ADAMTSL1: variants seen among roughly 807,000 people sequenced by gnomAD.
The protein encoded by ADAMTSL1 is ADAMTS-like protein 1.
Under a neutral mutation model 201.8 loss-of-function variants are expected in ADAMTSL1, and 126 were observed. That is an observed-to-expected ratio of 0.62 (90% confidence interval 0.54 to 0.72). ADAMTSL1 has a LOEUF of 0.72. Ranked by LOEUF, ADAMTSL1 falls within the 30% of genes least tolerant of loss-of-function variation. The pLI is 0.00. For synonymous variants in ADAMTSL1, 1,121 were observed against 903.4 expected (o/e 1.24, Z -4.32); for missense variants, 2,679 against 2,277.8 (o/e 1.18, Z -3.59).
At chr9:18,096,559 C>T (rs750451291) in intron 1 of ADAMTSL1, among the ~76,000 whole-genome samples, 2 of 152,154 alleles carry the variant, frequency 1.3e-5, no homozygotes, top group East Asian at 1.9e-4. Flanking sequence ...GTTTTGGTTA[C>T]GTGAAGCATG....
intron 14 of ADAMTSL1, among the ~76,000 whole-genome samples, chr9:18,710,056 C>T (rs1421479880): frequency 6.6e-6 from 1 of 152,186 alleles, no homozygotes; most frequent in East Asian, 1.9e-4. Context: ...CTTCTCACAT[C>T]GTGCCTGCCT....
chr9:18,595,651 G>A (rs1191886373), intron 4 of ADAMTSL1, among the ~76,000 whole-genome samples: 2 of 152,250 alleles, frequency 1.3e-5, no homozygotes, highest in Non-Finnish European at 1.5e-5. Context: ...AGGAAGGCTG[G>A]AATAGTGCCC....
intron 2 of ADAMTSL1, among the ~76,000 whole-genome samples, chr9:18,339,954 A>G (rs1315815217): frequency 6.6e-6 from 1 of 152,072 alleles, no homozygotes; most frequent in African/African-American, 2.4e-5. Context: ...ATCCTTTGCA[A>G]ACTGGATTTT....
At chr9:18,465,857 T>A (rs957140589) in intron 2 of ADAMTSL1, among the ~76,000 whole-genome samples, 12 of 152,232 alleles carry the variant, frequency 7.9e-5, no homozygotes, top group African/African-American at 2.7e-4. Flanking sequence ...CAAGCAATTC[T>A]TCTGCCTCAG....
intron 1 of ADAMTSL1, among the ~76,000 whole-genome samples, chr9:18,065,191 G>C (rs894130376): frequency 3.3e-5 from 5 of 151,958 alleles, no homozygotes; most frequent in African/African-American, 9.7e-5. Context: ...ATACCACACT[G>C]ATTCACATCT....
chr9:18,483,427 A>T (rs1293868572), intron 1 of ADAMTSL1, among the ~76,000 whole-genome samples: 2 of 152,186 alleles, frequency 1.3e-5, no homozygotes, highest in Non-Finnish European at 2.9e-5. Context: ...ACCTTTAAAT[A>T]ACAGCCATCA....
At chr9:18,901,507 A>G (rs568503801) in intron 26 of ADAMTSL1, among the ~76,000 whole-genome samples, 1 of 152,374 alleles carries the variant, frequency 6.6e-6, no homozygotes, top group South Asian at 2.1e-4. Context: ...ATATAGATAT[A>G]ATTCTCAAAC....
At chr9:18,550,097 A>C (rs1322811013) in intron 3 of ADAMTSL1, among the ~76,000 whole-genome samples, 1 of 151,978 alleles carries the variant, frequency 6.6e-6, no homozygotes, top group Non-Finnish European at 1.5e-5. Context: ...GTTAAACCAA[A>C]GAGCTTTTGG....
intron 2 of ADAMTSL1, among the ~76,000 whole-genome samples, chr9:18,304,442 A>T (rs1249676644): frequency 6.6e-6 from 1 of 152,156 alleles, no homozygotes; most frequent in African/African-American, 2.4e-5. Flanking sequence ...ATCATGTGAT[A>T]TTAAAATAGC....
At chr9:18,164,300 T>G (rs940108788) in intron 2 of ADAMTSL1, among the ~76,000 whole-genome samples, 2 of 151,930 alleles carry the variant, frequency 1.3e-5, no homozygotes, top group Non-Finnish European at 2.9e-5. Context: ...TTTAAATAAG[T>G]GAAGGAATAA....
At position 18,250,748 on chromosome 9, in the gene ADAMTSL1, A is replaced by C. The variant is rs148644882; in HGVS notation, c.207+86767A>C. On this transcript the variant is annotated intron_variant, in intron 2 of 29. Transcript: ENST00000680146. The stretch of plus-strand genomic sequence containing the variant: ...TTCTTGTTCCTGGGAAGCTGGGGAT[A>C]CAGTGGCGGTTTTCCACACCCCGCT... 6.8e-3 allele frequency among the ~76,000 whole-genome samples: 1,037 copies of C among 152,224 alleles called. 11 individuals carry two copies. Among genetic ancestry groups the C allele is most frequent in the African/African-American group, 0.024 (990 of 41,524 alleles).
intron 2 of ADAMTSL1, among the ~76,000 whole-genome samples, chr9:18,288,699 A>G (rs1220733301): frequency 6.6e-6 from 1 of 152,254 alleles, no homozygotes; most frequent in Non-Finnish European, 1.5e-5. Flanking sequence ...AAGAGGCAGC[A>G]GAGGCTAAAG....
At chr9:18,477,892 G>T (rs1253079026) in intron 1 of ADAMTSL1, among the ~76,000 whole-genome samples, 1 of 152,152 alleles carries the variant, frequency 6.6e-6, no homozygotes, top group African/African-American at 2.4e-5. Flanking sequence ...GTTGAGGGAA[G>T]AGTGTCCAAT....
At chr9:18,622,451 G>A in intron 5 of ADAMTSL1, 82 bp downstream of exon 5, 1 of 1,588,186 alleles carries the variant, frequency 6.3e-7, no homozygotes, top group South Asian at 1.1e-5. Flanking sequence ...TAAACAGCCA[G>A]GGAACAACAC....
intron 2 of ADAMTSL1, among the ~76,000 whole-genome samples, chr9:18,177,695 C>A (rs537517991): frequency 1.3e-5 from 2 of 152,134 alleles, no homozygotes; most frequent in Non-Finnish European, 2.9e-5. Flanking sequence ...AATGGAGGAA[C>A]GGTGCATATT....
intron 1 of ADAMTSL1, among the ~76,000 whole-genome samples, chr9:18,044,378 CT>C: frequency 6.6e-6 from 1 of 152,134 alleles, no homozygotes; most frequent in Admixed American, 6.5e-5. Context: ...GTGGTGGTGC[CT>C]TTGTGAAACT....
Position 18,856,067 on chromosome 9 carries a change from C to A in ADAMTSL1, c.4249+26090C>A, listed in dbSNP as rs914262144. 5.3e-5 allele frequency among the ~76,000 whole-genome samples: 8 copies of A among 152,138 alleles called. No individual in the cohort carries two copies. In the East Asian group the frequency reaches 1.5e-3, roughly 29 times the overall value. On this transcript the variant is annotated intron_variant, in intron 23 of 28. Coordinates refer to ENST00000380548, the MANE Select transcript of ADAMTSL1 (RefSeq NM_001040272.6). ...GGCATCTCAGATTCTTACTGAAAGG[C>A]ATGTTCAGAAACTGGTTCATGATAG...
intron 2 of ADAMTSL1, among the ~76,000 whole-genome samples, chr9:18,217,423 C>G (rs1830095031): frequency 6.6e-6 from 1 of 152,088 alleles, no homozygotes; most frequent in African/African-American, 2.4e-5. Context: ...CCCTCCCCAG[C>G]TTTATTCCTC....
At chr9:18,187,097 A>G (rs1409042081) in intron 2 of ADAMTSL1, among the ~76,000 whole-genome samples, 1 of 152,138 alleles carries the variant, frequency 6.6e-6, no homozygotes, top group Non-Finnish European at 1.5e-5. Context: ...AGCAACTGTC[A>G]TGTGGTGTTC....
Sources: allele counts gnomAD v4.1 joint callset (sites outside exome capture counted in the v4.1 genomes callset), GRCh38; gene constraint gnomAD v4.1.1; transcripts MANE v1.5; gene names NCBI Gene and HGNC (gene_info 2026-07-23, HGNC 2026-07-21).